The following TPD52 variants were observed in gnomAD, a reference collection of about 807,000 sequenced individuals.
TPD52 encodes the protein prostate and colon associated protein.
In TPD52, 17 loss-of-function variants were observed where a neutral mutation model predicts 31.3. The observed-to-expected ratio is 0.54, with a 90% CI of 0.37 to 0.82. The LOEUF (loss-of-function observed/expected upper bound fraction) is 0.82, where lower values mean the gene tolerates loss of function less well. Among genes scored for constraint, TPD52 ranks in the 40% least tolerant of loss-of-function variants. TPD52 has a pLI of 0.00. For missense variants in TPD52, 212 were observed against 240.1 expected (o/e 0.88, Z 0.77); for synonymous variants, 83 against 89.6 (o/e 0.93, Z 0.42).
intron 1 of TPD52, among the ~76,000 whole-genome samples, chr8:80,117,915 G>C (rs932526902): frequency 2.6e-5 from 4 of 151,670 alleles, no homozygotes; most frequent in African/African-American, 9.7e-5. Context: ...TGTATTTTTA[G>C]TAGAGATGGG....
intron 1 of TPD52, among the ~76,000 whole-genome samples, chr8:80,157,605 A>C (rs947441892): frequency 6.6e-6 from 1 of 152,238 alleles, no homozygotes; most frequent in South Asian, 2.1e-4. Context: ...TGCACAAATC[A>C]GTCCCATAGC....
intron 3 of TPD52, chr8:80,052,731 T>A: frequency 8.1e-7 from 1 of 1,234,828 alleles, no homozygotes; most frequent in Admixed American, 2.4e-5. Context: ...GCATGTGTGG[T>A]CAAAAAGACA....
intron 1 of TPD52, chr8:80,123,232 C>A (rs1467517326): frequency 6.6e-6 from 1 of 152,190 alleles, no homozygotes; most frequent in Admixed American, 6.6e-5. Flanking sequence ...GAGGGCTCTG[C>A]AGAATCTATG....
At chr8:80,058,896 C>A (rs933000434) in intron 2 of TPD52, among the ~76,000 whole-genome samples, 1 of 152,030 alleles carries the variant, frequency 6.6e-6, no homozygotes, top group Non-Finnish European at 1.5e-5. Context: ...AAACTTTGGG[C>A]GAAAAAATGA....
At chr8:80,052,738 G>A (rs1300182480) in intron 3 of TPD52, 2 of 1,208,312 alleles carry the variant, frequency 1.7e-6, no homozygotes, top group African/African-American at 3.1e-5. Context: ...TGGTCAAAAA[G>A]ACAAAAAGCC....
chr8:80,072,040 G>T (rs1396804295), intron 1 of TPD52, among the ~76,000 whole-genome samples: 2 of 152,154 alleles, frequency 1.3e-5, no homozygotes, highest in African/African-American at 4.8e-5. Context: ...GCCGGGCGCG[G>T]TGGCTCACGC....
intron 1 of TPD52, among the ~76,000 whole-genome samples, chr8:80,137,637 A>G (rs1043486257): frequency 1.3e-5 from 2 of 152,182 alleles, no homozygotes; most frequent in Non-Finnish European, 2.9e-5. Flanking sequence ...GTTTGGATTC[A>G]TTTGCTTTGA....
At chr8:80,085,124 C>A (rs1424425931) in intron 1 of TPD52, among the ~76,000 whole-genome samples, 1 of 152,044 alleles carries the variant, frequency 6.6e-6, no homozygotes, top group African/African-American at 2.4e-5. Context: ...AGAGAGAAAA[C>A]CACAAACCAA....
chr8:80,154,721 AC>A (rs1810811367), intron 1 of TPD52, among the ~76,000 whole-genome samples: 2 of 144,754 alleles, frequency 1.4e-5, no homozygotes, highest in Non-Finnish European at 1.5e-5. Flanking sequence ...ACACACACAC[AC>A]ACACACACAC....
At chr8:80,079,137 A>G (rs1429784413) in intron 1 of TPD52, among the ~76,000 whole-genome samples, 2 of 152,146 alleles carry the variant, frequency 1.3e-5, no homozygotes, top group African/African-American at 2.4e-5. Flanking sequence ...TAAATTATAC[A>G]TAAAATTTAT....
chr8:80,167,955 G>T (rs1290745405), intron 1 of TPD52, among the ~76,000 whole-genome samples: 3 of 152,160 alleles, frequency 2.0e-5, no homozygotes, highest in Non-Finnish European at 4.4e-5. Context: ...CTCCATAAAA[G>T]GTAGTCAGGA....
intron 1 of TPD52, among the ~76,000 whole-genome samples, chr8:80,116,007 G>GA (rs1348343856): frequency 6.6e-6 from 1 of 152,062 alleles, no homozygotes; most frequent in Non-Finnish European, 1.5e-5. Context: ...TCATAGTATA[G>GA]AAAAATAAAT....
chr8:80,148,087 A>T (rs1810325050), intron 1 of TPD52, among the ~76,000 whole-genome samples: 1 of 152,152 alleles, frequency 6.6e-6, no homozygotes, highest in African/African-American at 2.4e-5. Flanking sequence ...CTATTGCTGT[A>T]AGTCAGGTTC....
At chr8:80,064,361 A>G in intron 2 of TPD52, 117 bp downstream of exon 2, 3 of 821,432 alleles carry the variant, frequency 3.7e-6, no homozygotes, top group Non-Finnish European at 6.0e-6. Context: ...AGAAGTAAAC[A>G]CATATGCTTT....
At chr8:80,126,394 A>T (rs1291044734) in intron 1 of TPD52, among the ~76,000 whole-genome samples, 3 of 147,962 alleles carry the variant, frequency 2.0e-5, no homozygotes, top group African/African-American at 7.4e-5. Context: ...TTCTCTGTTC[A>T]TCCCAAATGG....
At chr8:80,081,156 CTTTTTTTTTTTT>C (rs5892705) in intron 1 of TPD52, among the ~76,000 whole-genome samples, 6 of 109,394 alleles carry the variant, frequency 5.5e-5, no homozygotes, top group African/African-American at 2.2e-4. Context: ...TTTTCTCTCT[CTTTTTTTTTTTT>C]TTTTTTTTTT....
intron 1 of TPD52, among the ~76,000 whole-genome samples, chr8:80,151,522 T>G (rs1222793769): frequency 6.6e-6 from 1 of 152,200 alleles, no homozygotes; most frequent in Non-Finnish European, 1.5e-5. Context: ...CACTCATGCT[T>G]ACTGCCACAT....
At chr8:80,084,565 A>G (rs1230838843) in intron 1 of TPD52, among the ~76,000 whole-genome samples, 1 of 152,230 alleles carries the variant, frequency 6.6e-6, no homozygotes, top group East Asian at 1.9e-4. Flanking sequence ...GCGCAGCAGC[A>G]TCTAAGCCCC....
At chr8:80,126,631 G>A (rs1484308424) in intron 1 of TPD52, among the ~76,000 whole-genome samples, 2 of 151,604 alleles carry the variant, frequency 1.3e-5, no homozygotes, top group South Asian at 4.2e-4. Context: ...ACAAGCATAC[G>A]CCACCATGCC....
Sources: allele counts gnomAD v4.1 joint callset (sites outside exome capture counted in the v4.1 genomes callset), GRCh38; gene constraint gnomAD v4.1.1; transcripts MANE v1.5; gene names NCBI Gene and HGNC (gene_info 2026-07-23, HGNC 2026-07-21).